Variants in FOXP1 observed in about 807,000 individuals in gnomAD.
FOXP1 encodes the protein forkhead box P1.
Under a neutral mutation model 98.2 loss-of-function variants are expected in FOXP1, and 15 were observed. That is an observed-to-expected ratio of 0.15 (90% CI 0.10 to 0.24). FOXP1 has a LOEUF of 0.24. Among genes scored for constraint, FOXP1 ranks in the 10% least tolerant of loss-of-function variants. FOXP1 has a pLI of 1.00. For missense variants in FOXP1, 633 were observed against 848.5 expected (o/e 0.75, Z 3.15); for synonymous variants, 371 against 314.5 (o/e 1.18, Z -1.90).
intron 1 of FOXP1, among the ~76,000 whole-genome samples, chr3:71,583,080 C>T (rs965441325): frequency 6.6e-6 from 1 of 151,734 alleles, no homozygotes; most frequent in African/African-American, 2.4e-5. Flanking sequence ...CCGCACCGGC[C>T]CCGCGCCCGG....
intron 5 of FOXP1, among the ~76,000 whole-genome samples, chr3:71,221,970 C>T (rs1560138965): frequency 2.0e-5 from 3 of 152,072 alleles, no homozygotes; most frequent in Non-Finnish European, 2.9e-5. Context: ...CTGGCCAACA[C>T]GGTAAAACCC....
intron 5 of FOXP1, among the ~76,000 whole-genome samples, chr3:71,198,814 T>G (rs912780345): frequency 2.0e-5 from 3 of 151,820 alleles, no homozygotes; most frequent in Non-Finnish European, 2.9e-5. Context: ...TGCCTCAGCC[T>G]CCGAGTAGCT....
At chr3:71,351,708 A>T (rs1283794599) in intron 4 of FOXP1, among the ~76,000 whole-genome samples, 1 of 152,232 alleles carries the variant, frequency 6.6e-6, no homozygotes, top group African/African-American at 2.4e-5. Context: ...ATGCCCAGGT[A>T]CGGGACCAAA....
chr3:71,532,260 C>A (rs1473641880), intron 2 of FOXP1, among the ~76,000 whole-genome samples: 8 of 152,102 alleles, frequency 5.3e-5, no homozygotes, highest in African/African-American at 1.9e-4. Context: ...CCACCACACC[C>A]AAATTTTTGT....
At chr3:71,149,283 G>T (rs1156904515) in intron 6 of FOXP1, among the ~76,000 whole-genome samples, 1 of 152,148 alleles carries the variant, frequency 6.6e-6, no homozygotes, top group Non-Finnish European at 1.5e-5. Flanking sequence ...GAGAGGCAGG[G>T]TATTCATAAA....
intron 7 of FOXP1, among the ~76,000 whole-genome samples, chr3:71,098,950 TTTA>T (rs1467400210): frequency 2.0e-5 from 3 of 152,196 alleles, no homozygotes; most frequent in Non-Finnish European, 4.4e-5. Flanking sequence ...GAAGCTAAAC[TTTA>T]TTAAGTACTT....
At chr3:71,241,240 C>CA (rs74310619) in intron 5 of FOXP1, among the ~76,000 whole-genome samples, 34,387 of 148,420 alleles carry the variant, frequency 0.23, 4,002 homozygotes, top group African/African-American at 0.26. Flanking sequence ...AACAAAAAAA[C>CA]AAAAAAAAAA....
At chr3:71,096,695 C>A (rs2056488953) in intron 7 of FOXP1, among the ~76,000 whole-genome samples, 1 of 152,142 alleles carries the variant, frequency 6.6e-6, no homozygotes, top group East Asian at 1.9e-4. Flanking sequence ...TAAGATATTT[C>A]TCAGACAGAT....
chr3:71,166,783 AAAAAAAC>A (rs2061417749), intron 6 of FOXP1, among the ~76,000 whole-genome samples: 1 of 152,154 alleles, frequency 6.6e-6, no homozygotes, highest in Non-Finnish European at 1.5e-5. Context: ...TCCTTTTCTT[AAAAAAAC>A]AAAAAGCAAA....
At chr3:71,043,232 G>A (rs1192691110) in intron 10 of FOXP1, among the ~76,000 whole-genome samples, 1 of 152,176 alleles carries the variant, frequency 6.6e-6, no homozygotes, top group African/African-American at 2.4e-5. Flanking sequence ...CGACAGACAA[G>A]TCGGTTTTCT....
chr3:71,101,113 A>C (rs2107665775), intron 7 of FOXP1, among the ~76,000 whole-genome samples: 1 of 152,312 alleles, frequency 6.6e-6, no homozygotes, highest in Admixed American at 6.5e-5. Flanking sequence ...AACGGACAGA[A>C]AATACCAGCG....
rs1420264050 is a variant in FOXP1, at chr3:70,955,077, A to G, written c.*4170T>C. 8.6e-6 allele frequency: 2 copies of G among 232,232 alleles called. No homozygotes were observed. Among genetic ancestry groups the G allele is most frequent in the Non-Finnish European group, 1.7e-5 (2 of 117,516 alleles). The allele number at this position is 232,232 out of a possible 1,614,324, so 14.4% of individuals were successfully genotyped here. A position where few individuals can be genotyped will look rare whatever the true frequency, so the allele number is the denominator to read the frequency against. On this transcript the variant is annotated 3_prime_UTR_variant, in exon 21 of 21. Transcript: ENST00000649528. ...AAGAAGCAAAACTGACTTTGAAGAC[A>G]TCCAGAATTTCAGGAGGCTATGTCA...
In FOXP1 at chr3:71,229,703, G is replaced by C. The variant is rs1201556405; in HGVS notation, c.-11-31311C>G. On this transcript the variant is annotated intron_variant, in intron 5 of 20. Coordinates refer to ENST00000649528, the MANE Select transcript of FOXP1 (RefSeq NM_001349338.3). ...GTCTCTTTCTTTCAGCTGTTTTCTA[G>C]TCAATGTCAAGAATGGAGCTTTGAA... Among the ~76,000 whole-genome samples the C allele has an allele frequency of 2.0e-5, 3 of 152,022 alleles. No homozygotes were observed. The East Asian group carries it at 5.8e-4, about 29-fold the overall frequency.
At chr3:71,554,321 C>T (rs1042809358) in intron 2 of FOXP1, among the ~76,000 whole-genome samples, 1 of 152,130 alleles carries the variant, frequency 6.6e-6, no homozygotes, top group Non-Finnish European at 1.5e-5. Flanking sequence ...ACACTACATT[C>T]CAGCCTGGGT....
At chr3:71,294,817 G>A (rs1221716667) in intron 5 of FOXP1, among the ~76,000 whole-genome samples, 2 of 152,156 alleles carry the variant, frequency 1.3e-5, no homozygotes, top group Non-Finnish European at 2.9e-5. Flanking sequence ...GACAATGAGT[G>A]GGATGTATAC....
intron 4 of FOXP1, among the ~76,000 whole-genome samples, chr3:71,341,614 A>G (rs4643672): frequency 0.5 from 76,081 of 152,104 alleles, 20,017 homozygotes; most frequent in East Asian, 0.74. Context: ...CAGGAGAATC[A>G]CTTGAACCCA....
chr3:71,533,901 A>G (rs1003001561), intron 2 of FOXP1, among the ~76,000 whole-genome samples: 3 of 152,226 alleles, frequency 2.0e-5, no homozygotes, highest in Admixed American at 1.3e-4. Flanking sequence ...TTGTAACCCA[A>G]AATGAATACA....
chr3:71,419,501 G>A (rs1229769854), intron 3 of FOXP1, among the ~76,000 whole-genome samples: 1 of 151,808 alleles, frequency 6.6e-6, no homozygotes, highest in South Asian at 2.1e-4. Context: ...GTGCTGGTCT[G>A]ACTCAAGGCC....
intron 2 of FOXP1, among the ~76,000 whole-genome samples, chr3:71,523,942 G>A (rs756625164): frequency 1.3e-5 from 2 of 152,156 alleles, no homozygotes; most frequent in African/African-American, 4.8e-5. Context: ...GACTCATCAC[G>A]GAGATGAGGG....
Sources: allele counts gnomAD v4.1 joint callset (sites outside exome capture counted in the v4.1 genomes callset), GRCh38; gene constraint gnomAD v4.1.1; transcripts MANE v1.5; gene names NCBI Gene and HGNC (gene_info 2026-07-23, HGNC 2026-07-21).